Variants in BAZ2B observed in about 807,000 individuals in gnomAD.
The protein encoded by BAZ2B is bromodomain adjacent to zinc finger domain 2B, also known as bromodomain adjacent to zinc finger domain protein 2B.
Under a neutral mutation model 246.0 loss-of-function variants are expected in BAZ2B, and 91 were observed. The observed-to-expected ratio is 0.37, with a 90% CI of 0.31 to 0.44. The LOEUF (loss-of-function observed/expected upper bound fraction) is 0.44. Ranked by LOEUF, BAZ2B falls within the 20% of genes least tolerant of loss-of-function variation. BAZ2B has a pLI of 1.00. For missense variants in BAZ2B, 2,332 were observed against 2,533.7 expected (o/e 0.92, Z 1.71); for synonymous variants, 855 against 860.0 (o/e 0.99, Z 0.10).
the BAZ2B span, among the ~76,000 whole-genome samples, chr2:159,700,178 T>TGGC: frequency 4.6e-5 from 7 of 152,208 alleles, no homozygotes; most frequent in African/African-American, 1.7e-4. Context: ...TAGAATTTAA[T>TGGC]AGCAGACTTA....
intron 25 of BAZ2B, among the ~76,000 whole-genome samples, chr2:159,382,320 A>C (rs2062084760): frequency 6.6e-6 from 1 of 152,196 alleles, no homozygotes; most frequent in African/African-American, 2.4e-5. Flanking sequence ...TATATTAAAA[A>C]AACTTCTTTT....
intron 1 of BAZ2B, among the ~76,000 whole-genome samples, chr2:159,573,998 G>A (rs1490556179): frequency 6.6e-6 from 1 of 152,072 alleles, no homozygotes; most frequent in Non-Finnish European, 1.5e-5. Context: ...CTACTTGGGT[G>A]GCTGAGGGGG....
At chr2:159,453,461 G>T in intron 4 of BAZ2B, 152 bp downstream of exon 4, 2 of 823,344 alleles carry the variant, frequency 2.4e-6, no homozygotes, top group African/African-American at 1.8e-5. Context: ...TTAATTTTTT[G>T]CACATGATAA....
At chr2:159,370,062 T>C (rs2060653129) in intron 27 of BAZ2B, among the ~76,000 whole-genome samples, 1 of 152,042 alleles carries the variant, frequency 6.6e-6, no homozygotes, top group African/African-American at 2.4e-5. Context: ...CAGCAAACTA[T>C]TGCAAGGACA....
At chr2:159,647,695 T>C in the BAZ2B span, among the ~76,000 whole-genome samples, 15 of 152,296 alleles carry the variant, frequency 9.8e-5, 1 homozygote, top group South Asian at 3.1e-3. Flanking sequence ...CATGCTTTGC[T>C]GTCTGTGCAT....
At chr2:159,388,088 G>C (rs1427323985) in intron 21 of BAZ2B, among the ~76,000 whole-genome samples, 1 of 151,660 alleles carries the variant, frequency 6.6e-6, no homozygotes, top group Non-Finnish European at 1.5e-5. Flanking sequence ...TAACTAACCT[G>C]CACATTGTGC....
intron 2 of BAZ2B, among the ~76,000 whole-genome samples, chr2:159,520,823 G>A (rs1559682501): frequency 6.6e-6 from 1 of 152,102 alleles, no homozygotes; most frequent in Non-Finnish European, 1.5e-5. Flanking sequence ...TTGTAAGCTA[G>A]TGTCAAACCT....
downstream of BAZ2B, among the ~76,000 whole-genome samples, chr2:159,316,357 C>A (rs957738373): frequency 1.3e-5 from 2 of 152,096 alleles, no homozygotes; most frequent in African/African-American, 2.4e-5. Flanking sequence ...AGATTCTATT[C>A]ATTTCCCTAG....
At chr2:159,359,271 G>A (rs2059432703) in intron 27 of BAZ2B, among the ~76,000 whole-genome samples, 1 of 152,104 alleles carries the variant, frequency 6.6e-6, no homozygotes, top group South Asian at 2.1e-4. Context: ...ATGATAAAGT[G>A]GATATCACCA....
chr2:159,695,901 C>T, the BAZ2B span, among the ~76,000 whole-genome samples: 9 of 152,130 alleles, frequency 5.9e-5, no homozygotes, highest in Middle Eastern at 3.4e-3. Context: ...AATACAGACA[C>T]GCATGCCACC....
intron 31 of BAZ2B, among the ~76,000 whole-genome samples, chr2:159,341,502 C>T (rs1445245130): frequency 1.3e-5 from 2 of 152,130 alleles, no homozygotes; most frequent in Non-Finnish European, 2.9e-5. Flanking sequence ...AAAGTAACAT[C>T]AAATTTAATC....
chr2:159,518,355 T>C (rs531232311), intron 2 of BAZ2B, among the ~76,000 whole-genome samples: 3 of 152,276 alleles, frequency 2.0e-5, no homozygotes, highest in Admixed American at 1.3e-4. Flanking sequence ...GAAAAATATA[T>C]CTTTTCCTTC....
chr2:159,548,948 T>C (rs949161700), intron 2 of BAZ2B, among the ~76,000 whole-genome samples: 4 of 152,188 alleles, frequency 2.6e-5, no homozygotes, highest in African/African-American at 2.4e-5. Flanking sequence ...GAGCTGAACA[T>C]TAGGCTCATT....
At chr2:159,332,760 A>G in intron 33 of BAZ2B, 74 bp from the exon 34 acceptor site, 4 of 1,485,304 alleles carry the variant, frequency 2.7e-6, no homozygotes, top group Non-Finnish European at 3.7e-6. Flanking sequence ...TAAACACACC[A>G]TAATTCCTAA....
rs147695279 is a variant in BAZ2B, at chr2:159,497,670, A to C, written c.-2-18949T>G. On this transcript the variant is annotated intron_variant, in intron 2 of 36. Coordinates refer to ENST00000392783, the MANE Select transcript of BAZ2B (RefSeq NM_013450.4). ...AGAGATCCTTAAGGCTGGGGGCCTA[A>C]GTATACAAGTTTAAAAAAGTGGGTT... Among the ~76,000 whole-genome samples the C allele has an allele frequency of 1.9e-3, 283 of 152,324 alleles. 2 individuals carry two copies. The highest frequency in any genetic ancestry group is 3.0e-3 in the Admixed American group (46 of 15,298).
chr2:159,662,773 C>T, the BAZ2B span, among the ~76,000 whole-genome samples: 3 of 151,868 alleles, frequency 2.0e-5, no homozygotes, highest in African/African-American at 4.8e-5. Flanking sequence ...CTCAAATGAT[C>T]CACCTGCCTC....
At chr2:159,334,934 A>C (rs908229414) in intron 33 of BAZ2B, among the ~76,000 whole-genome samples, 2 of 152,044 alleles carry the variant, frequency 1.3e-5, no homozygotes, top group Admixed American at 1.3e-4. Context: ...ACAAGGTCTC[A>C]TTATGTTGCC....
the BAZ2B span, among the ~76,000 whole-genome samples, chr2:159,633,011 A>G: frequency 6.6e-6 from 1 of 152,226 alleles, no homozygotes; most frequent in East Asian, 1.9e-4. Context: ...TTCTGTGAGA[A>G]TCAACTGGCT....
chr2:159,588,308 T>G (rs1304698994), intron 1 of BAZ2B, among the ~76,000 whole-genome samples: 1 of 152,022 alleles, frequency 6.6e-6, no homozygotes, highest in East Asian at 1.9e-4. Flanking sequence ...GCCTTCATTT[T>G]CATCTACAAT....
Sources: gnomAD v4.1 joint callset for allele counts (sites outside exome capture counted in the v4.1 genomes callset) on GRCh38, gnomAD v4.1.1 for gene constraint, MANE v1.5 for transcripts, NCBI Gene and HGNC (gene_info 2026-07-23, HGNC 2026-07-21) for gene names.